MSRA: variants seen among roughly 807,000 people sequenced by gnomAD.
The protein encoded by MSRA is mitochondrial peptide methionine sulfoxide reductase.
MSRA carries 54 observed loss-of-function variants against 31.3 expected under a neutral mutation model. The observed-to-expected ratio is 1.73, with a 90% CI of 1.39 to 2.17. The LOEUF is 2.17. Among genes scored for constraint, MSRA ranks in the 30% most tolerant of loss-of-function variants. The pLI is 0.00. For synonymous variants in MSRA, 169 were observed against 116.5 expected, an observed-to-expected ratio of 1.45 and a Z score of -2.90; for missense variants, 507 against 300.9, an observed-to-expected ratio of 1.69 and a Z score of -5.07.
At chr8:10,371,839 T>C (rs990308156) in intron 5 of MSRA, among the ~76,000 whole-genome samples, 5 of 152,188 alleles carry the variant, frequency 3.3e-5, no homozygotes, top group African/African-American at 1.2e-4. Flanking sequence ...CTTGCAGGAC[T>C]TGGGACATGG....
At chr8:10,394,137 T>C (rs969769281) in intron 5 of MSRA, among the ~76,000 whole-genome samples, 8 of 152,202 alleles carry the variant, frequency 5.3e-5, no homozygotes, top group Non-Finnish European at 8.8e-5. Flanking sequence ...ATTTTACCAG[T>C]CTCTTCGACG....
intron 1 of MSRA, among the ~76,000 whole-genome samples, chr8:10,088,695 C>G (rs1159733921): frequency 6.6e-6 from 1 of 152,060 alleles, no homozygotes; most frequent in Non-Finnish European, 1.5e-5. Flanking sequence ...GAGATCACAC[C>G]ACTGTGCTCC....
At chr8:10,347,968 G>C (rs1803889997) in intron 5 of MSRA, among the ~76,000 whole-genome samples, 1 of 152,194 alleles carries the variant, frequency 6.6e-6, no homozygotes, top group African/African-American at 2.4e-5. Flanking sequence ...TAAGCTCATT[G>C]AAACATCCAC....
chr8:10,155,387 G>T (rs1008326670), intron 1 of MSRA, among the ~76,000 whole-genome samples: 3 of 151,970 alleles, frequency 2.0e-5, no homozygotes, highest in Non-Finnish European at 2.9e-5. Flanking sequence ...ATACACCCAC[G>T]CTCTCTCTCT....
intron 5 of MSRA, among the ~76,000 whole-genome samples, chr8:10,324,355 A>G (rs1293350388): frequency 1.3e-5 from 2 of 152,180 alleles, no homozygotes; most frequent in Non-Finnish European, 1.5e-5. Context: ...TGCATTGTAG[A>G]GGGGTGGAGC....
chr8:10,159,086 C>G (rs904024305), intron 1 of MSRA, among the ~76,000 whole-genome samples: 5 of 152,148 alleles, frequency 3.3e-5, no homozygotes, highest in African/African-American at 1.2e-4. Flanking sequence ...TTACCAGATA[C>G]CAGATGATGG....
At chr8:10,145,494 A>G (rs1402615005) in intron 1 of MSRA, among the ~76,000 whole-genome samples, 1 of 152,152 alleles carries the variant, frequency 6.6e-6, no homozygotes, top group African/African-American at 2.4e-5. Flanking sequence ...CGCCTGCATA[A>G]TTCATTTTCT....
At chr8:10,165,839 C>T (rs140558168) in intron 1 of MSRA, among the ~76,000 whole-genome samples, 2 of 152,246 alleles carry the variant, frequency 1.3e-5, no homozygotes, top group East Asian at 1.9e-4. Flanking sequence ...TGTCAAACAC[C>T]ATTCTCAGTT....
intron 1 of MSRA, among the ~76,000 whole-genome samples, chr8:10,097,922 A>G (rs555723812): frequency 4.6e-5 from 7 of 152,270 alleles, no homozygotes; most frequent in African/African-American, 1.4e-4. Context: ...TTTCTTACCA[A>G]TAGAAATTCT....
intron 1 of MSRA, among the ~76,000 whole-genome samples, chr8:10,119,000 T>A (rs1340268792): frequency 2.0e-5 from 3 of 152,134 alleles, no homozygotes; most frequent in Admixed American, 2.0e-4. Context: ...GAAGGCAGGT[T>A]CTGGAGACTT....
intron 1 of MSRA, among the ~76,000 whole-genome samples, chr8:10,058,137 G>T (rs1802500051): frequency 6.6e-6 from 1 of 151,452 alleles, no homozygotes; most frequent in Admixed American, 6.6e-5. Flanking sequence ...TGCTTTTTTT[G>T]GGCACTAACA....
intron 1 of MSRA, among the ~76,000 whole-genome samples, chr8:10,158,702 GTTT>G (rs113369500): frequency 6.6e-6 from 1 of 152,020 alleles, no homozygotes; most frequent in Non-Finnish European, 1.5e-5. Context: ...TTTGTGTACA[GTTT>G]TTTTTGTGTA....
At chr8:10,292,709 C>T (rs578237168) in intron 3 of MSRA, among the ~76,000 whole-genome samples, 3 of 152,326 alleles carry the variant, frequency 2.0e-5, no homozygotes, top group Non-Finnish European at 2.9e-5. Context: ...AAGCAAGACT[C>T]GAGGGGACCC....
chr8:10,304,795 CTGTT>C (rs961622254), intron 4 of MSRA, among the ~76,000 whole-genome samples: 21 of 152,220 alleles, frequency 1.4e-4, no homozygotes, highest in Non-Finnish European at 2.6e-4. Context: ...GTAAGACTGA[CTGTT>C]CTTACTCAGA....
At chr8:10,409,118 T>G (rs1374508287) in intron 5 of MSRA, among the ~76,000 whole-genome samples, 1 of 152,218 alleles carries the variant, frequency 6.6e-6, no homozygotes, top group African/African-American at 2.4e-5. Context: ...GGCAGTTCTA[T>G]TTTTAGTTCT....
At chr8:10,064,799 G>A (rs182832331) in intron 1 of MSRA, among the ~76,000 whole-genome samples, 1 of 152,080 alleles carries the variant, frequency 6.6e-6, no homozygotes, top group South Asian at 2.1e-4. Flanking sequence ...TTCAGATGAG[G>A]CCACAAATTA....
At chr8:10,237,901 G>C (rs1283257373) in intron 2 of MSRA, among the ~76,000 whole-genome samples, 6 of 152,124 alleles carry the variant, frequency 3.9e-5, no homozygotes, top group African/African-American at 1.4e-4. Context: ...ACCATTCACT[G>C]CATCTGTGCT....
chr8:10,358,345 T>A (rs1429473125), intron 5 of MSRA, among the ~76,000 whole-genome samples: 2 of 152,196 alleles, frequency 1.3e-5, no homozygotes, highest in Non-Finnish European at 2.9e-5. Flanking sequence ...TCAGTGATGA[T>A]TACTGAAAAC....
intron 1 of MSRA, among the ~76,000 whole-genome samples, chr8:10,079,381 G>A (rs540469608): frequency 7.9e-5 from 12 of 152,142 alleles, no homozygotes; most frequent in Middle Eastern, 3.4e-3. Context: ...TCTCGAACTC[G>A]TGGGCTCAAG....
Sources: allele counts gnomAD v4.1 joint callset (sites outside exome capture counted in the v4.1 genomes callset), GRCh38; gene constraint gnomAD v4.1.1; transcripts MANE v1.5; gene names NCBI Gene and HGNC (gene_info 2026-07-23, HGNC 2026-07-21).